The following ZHX3 variants were observed in gnomAD, a reference collection of about 807,000 sequenced individuals.
The protein encoded by ZHX3 is zinc fingers and homeoboxes 3.
In ZHX3, 20 loss-of-function variants were observed where a neutral mutation model predicts 64.5. The ratio of observed to expected loss-of-function variants is 0.31; its 90% CI spans 0.22 to 0.45. The LOEUF (loss-of-function observed/expected upper bound fraction) is 0.45, where lower values mean the gene tolerates loss of function less well. Among genes scored for constraint, ZHX3 ranks in the 20% least tolerant of loss-of-function variants. The pLI, the probability that ZHX3 is intolerant of heterozygous loss-of-function variation, is 1.00. For missense variants in ZHX3, 1,041 were observed against 1,195.8 expected, an observed-to-expected ratio of 0.87 and a Z score of 1.91; for synonymous variants, 423 against 461.6, an observed-to-expected ratio of 0.92 and a Z score of 1.07.
chr20:41,205,278 C>A (rs556054131), intron 2 of ZHX3, among the ~76,000 whole-genome samples: 1 of 152,256 alleles, frequency 6.6e-6, no homozygotes, highest in Admixed American at 6.5e-5. Flanking sequence ...CCAATACCAA[C>A]TGATAGACTT....
At chr20:41,234,942 A>G (rs1301848239) in intron 2 of ZHX3, among the ~76,000 whole-genome samples, 3 of 152,262 alleles carry the variant, frequency 2.0e-5, no homozygotes, top group Non-Finnish European at 4.4e-5. Context: ...ACTGGCAGAT[A>G]GTTCAAGGTT....
Position 41,202,871 on chromosome 20 carries a change from C to T in ZHX3, c.2046G>A (p.Glu682=). 1.2e-6 allele frequency: 2 copies of T among 1,614,176 alleles called. No homozygotes were observed. The highest frequency in any genetic ancestry group is 8.5e-7 in the Non-Finnish European group (1 of 1,180,040). ...TKKAEENASQ[E]EEEAAEDEGG... ...CCTCATCCTCAGCAGCCTCCTCTTC[C>T]TCCTGAGAGGCATTCTCCTCAGCCT... Residue 682 remains glutamate (E), a synonymous_variant, in exon 3 of 4, where the codon GAG becomes GAA. Coordinates refer to ENST00000683867, the MANE Select transcript of ZHX3 (RefSeq NM_001384317.1). This position sits in a 1 kb window ranked among gnomAD's most constrained non-coding sequence, Gnocchi z 7.0.
chr20:41,193,713 G>GT lies in ZHX3; in HGVS notation c.2860+8343dup, dbSNP rs5841404. ...TTTTTTTGTTGTTGTTGTTGTTTTT[G>GT]TTTTTTTTTTTTGAGAAGGAGTCTC... On this transcript the variant is annotated intron_variant, in intron 3 of 3. Coordinates refer to ENST00000683867, the MANE Select transcript of ZHX3 (RefSeq NM_001384317.1). 3.2e-3 allele frequency among the ~76,000 whole-genome samples: 456 copies of GT among 141,828 alleles called. 1 individual carries two copies. The highest frequency in any genetic ancestry group is 3.9e-3 in the East Asian group (19 of 4,922). The allele number at this position is 141,828 out of a possible 152,430, so 93.0% of individuals were successfully genotyped here.
At chr20:41,236,465 C>G (rs11123681) in intron 2 of ZHX3, among the ~76,000 whole-genome samples, 3,255 of 152,210 alleles carry the variant, frequency 0.021, 106 homozygotes, top group African/African-American at 0.073. Context: ...GAAATAATGC[C>G]ACATATCTAC....
chr20:41,309,381 G>A (rs867611476), intron 1 of ZHX3, among the ~76,000 whole-genome samples: 1 of 152,198 alleles, frequency 6.6e-6, no homozygotes, highest in Non-Finnish European at 1.5e-5. Flanking sequence ...CAAGTGGGGA[G>A]GGTGTTAAAA....
At position 41,228,012 on chromosome 20, in the gene ZHX3, C is replaced by T. The variant is rs2040377079; in HGVS notation, c.-150-22946G>A. Among the ~76,000 whole-genome samples the T allele has an allele frequency of 6.6e-6, 1 of 152,150 alleles. No individual in the cohort carries two copies. Among genetic ancestry groups the T allele is most frequent in the Admixed American group, 6.5e-5 (1 of 15,278 alleles). On this transcript the variant is annotated intron_variant, in intron 2 of 3. Transcript: ENST00000683867. This position sits in a 1 kb window ranked among gnomAD's most constrained non-coding sequence, Gnocchi z 4.6. ...GGTGCATTGCAGGCCCCATTCCTTCCTCTCCTTCTGCCCAAACCACTTGCA... is the reference window on the plus strand; with the variant it reads ...GGTGCATTGCAGGCCCCATTCCTTCTTCTCCTTCTGCCCAAACCACTTGCA...
At position 41,185,816 on chromosome 20, in the gene ZHX3, C is replaced by A. The variant is rs1165637020; in HGVS notation, c.2861-615G>T. 1 of 152,886 alleles carries A rather than the reference C, an allele frequency of 6.5e-6. No homozygotes were observed. The highest frequency in any genetic ancestry group is 1.5e-5 in the Non-Finnish European group (1 of 68,608). 9.5% of individuals were successfully genotyped at this position (152,886 alleles called of 1,614,324 possible). ...TTGGCCCTTCCTGTACCCACAGTTA[C>A]CTGTCTCAGACAGAAGAGAACAATG... On this transcript the variant is annotated intron_variant, in intron 3 of 3. Coordinates refer to ENST00000683867, the MANE Select transcript of ZHX3 (RefSeq NM_001384317.1). This position sits in a 1 kb window ranked among gnomAD's most constrained non-coding sequence, Gnocchi z 5.0.
chr20:41,241,738 T>C (rs1019321858), intron 2 of ZHX3, among the ~76,000 whole-genome samples: 1 of 152,238 alleles, frequency 6.6e-6, no homozygotes, highest in African/African-American at 2.4e-5. Flanking sequence ...GGGTTGTTTG[T>C]GGTTCCAATA....
intron 2 of ZHX3, among the ~76,000 whole-genome samples, chr20:41,253,838 G>C (rs2042105876): frequency 6.6e-6 from 1 of 152,176 alleles, no homozygotes; most frequent in South Asian, 2.1e-4. Context: ...TAGAGGGAAA[G>C]CAAAATCAGT....
At chr20:41,300,808 G>A (rs1426221224) in intron 1 of ZHX3, among the ~76,000 whole-genome samples, 1 of 152,176 alleles carries the variant, frequency 6.6e-6, no homozygotes, top group African/African-American at 2.4e-5. Context: ...TAACATTTCA[G>A]GGCTGGCCTA....
rs945360993 is a variant in ZHX3 at position 41,232,837 on chromosome 20, G to A, written c.-150-27771C>T. ...CCTGACCTCGTGATCCCCCCGCCTC[G>A]GCCTCCCAAAGTGCTGGGATTACAG... On this transcript the variant is annotated intron_variant, in intron 2 of 3. Coordinates refer to ENST00000683867, the MANE Select transcript of ZHX3 (RefSeq NM_001384317.1). The surrounding 1 kb of genome is among the most constrained non-coding windows in gnomAD (Gnocchi z 5.0). Among the ~76,000 whole-genome samples, 3 of 152,020 alleles carry A rather than the reference G, an allele frequency of 2.0e-5. No homozygotes were observed. The highest frequency in any genetic ancestry group is 4.4e-5 in the Non-Finnish European group (3 of 67,948).
intron 1 of ZHX3, among the ~76,000 whole-genome samples, chr20:41,299,483 G>A (rs1315340064): frequency 6.6e-6 from 1 of 152,084 alleles, no homozygotes. Context: ...TATTTTCTTT[G>A]TTCCACCTGC....
chr20:41,230,645 A>G, intron 2 of ZHX3, among the ~76,000 whole-genome samples: 1 of 152,238 alleles, frequency 6.6e-6, no homozygotes, highest in East Asian at 1.9e-4. Flanking sequence ...TTAAAATATT[A>G]GTATTTCTGA....
At chr20:41,313,842 C>T (rs1020835436) in intron 1 of ZHX3, among the ~76,000 whole-genome samples, 54 of 152,230 alleles carry the variant, frequency 3.5e-4, no homozygotes, top group Admixed American at 7.2e-4. Flanking sequence ...GTGATCTGCC[C>T]GCCTTGGCCT....
chr20:41,296,231 GTAAAAAA>G (rs2044513575), intron 1 of ZHX3, among the ~76,000 whole-genome samples: 1 of 23,278 alleles, frequency 4.3e-5, no homozygotes, highest in African/African-American at 1.4e-4. Context: ...AGTTCATAAA[GTAAAAAA>G]AAAAAAAAAA....
intron 1 of ZHX3, among the ~76,000 whole-genome samples, chr20:41,277,970 G>GA (rs76657989): frequency 0.28 from 38,083 of 136,750 alleles, 11,464 homozygotes; most frequent in East Asian, 0.74. Flanking sequence ...TTTAAGTGTG[G>GA]AAAAAAAACT....
At chr20:41,316,000 T>TA (rs2045277585) in intron 1 of ZHX3, among the ~76,000 whole-genome samples, 1 of 150,424 alleles carries the variant, frequency 6.6e-6, no homozygotes, top group Non-Finnish European at 1.5e-5. Flanking sequence ...TCTGAAATCT[T>TA]ACTTCAATAT....
chr20:41,294,514 C>G (rs1015211855), intron 1 of ZHX3, among the ~76,000 whole-genome samples: 8 of 151,924 alleles, frequency 5.3e-5, no homozygotes, highest in Admixed American at 3.9e-4. Context: ...GGCACCCCCC[C>G]ACCACACCTG....
chr20:41,287,589 T>G (rs1177867079), intron 1 of ZHX3, among the ~76,000 whole-genome samples: 1 of 152,230 alleles, frequency 6.6e-6, no homozygotes, highest in Admixed American at 6.5e-5. Context: ...TACTTTCTCT[T>G]GGATCATGCC....
Sources: gnomAD v4.1 joint callset for allele counts (sites outside exome capture counted in the v4.1 genomes callset) on GRCh38, gnomAD v4.1.1 for gene constraint, Gnocchi (gnomAD v3.1) non-coding constraint, MANE v1.5 for transcripts, NCBI Gene and HGNC (gene_info 2026-07-23, HGNC 2026-07-21) for gene names.